The following PPARGC1A variants were observed in gnomAD, a reference collection of about 807,000 sequenced individuals.
The protein encoded by PPARGC1A is peroxisome proliferator-activated receptor gamma coactivator 1-alpha.
PPARGC1A carries 25 observed loss-of-function variants against 88.7 expected under a neutral mutation model. That is an observed-to-expected ratio of 0.28 (90% CI 0.21 to 0.39). The LOEUF is 0.39. Among genes scored for constraint, PPARGC1A ranks in the 10% least tolerant of loss-of-function variants. The pLI is 1.00. For missense variants in PPARGC1A, 880 were observed against 968.7 expected (o/e 0.91, Z 1.22); for synonymous variants, 363 against 355.6 (o/e 1.02, Z -0.24).
the PPARGC1A span, among the ~76,000 whole-genome samples, chr4:24,286,982 A>C: frequency 5.3e-5 from 8 of 152,144 alleles, no homozygotes. Flanking sequence ...GAGTGATAAA[A>C]AGAACCCCAG....
chr4:24,246,701 T>A, the PPARGC1A span, among the ~76,000 whole-genome samples: 1 of 152,206 alleles, frequency 6.6e-6, no homozygotes, highest in African/African-American at 2.4e-5. Context: ...TCTGTGAGAT[T>A]GTAACACTAG....
At chr4:24,398,770 G>C in the PPARGC1A span, among the ~76,000 whole-genome samples, 39,926 of 152,054 alleles carry the variant, frequency 0.26, 5,623 homozygotes, top group African/African-American at 0.32. Context: ...ATTTCTCCAG[G>C]GGTTAATGTG....
chr4:23,832,624 T>C (rs186720206), intron 2 of PPARGC1A, among the ~76,000 whole-genome samples: 2,883 of 150,860 alleles, frequency 0.019, 91 homozygotes, highest in African/African-American at 0.066. Context: ...TTTTTTTTTT[T>C]TTTGAGACAG....
intron 2 of PPARGC1A, among the ~76,000 whole-genome samples, chr4:23,872,440 T>A (rs531091730): frequency 6.6e-6 from 1 of 152,270 alleles, no homozygotes; most frequent in South Asian, 2.1e-4. Flanking sequence ...CTGCCCTGCA[T>A]TTGTTGGGGC....
At chr4:24,202,100 C>T in the PPARGC1A span, among the ~76,000 whole-genome samples, 2 of 152,048 alleles carry the variant, frequency 1.3e-5, no homozygotes, top group Non-Finnish European at 2.9e-5. Flanking sequence ...CAGGGTTTCA[C>T]CATGTTGGCC....
chr4:24,190,111 G>A, the PPARGC1A span, among the ~76,000 whole-genome samples: 1 of 152,152 alleles, frequency 6.6e-6, no homozygotes, highest in African/African-American at 2.4e-5. Flanking sequence ...TGACCCTTTG[G>A]TCAGTAATCG....
chr4:24,204,109 A>G, the PPARGC1A span, among the ~76,000 whole-genome samples: 1 of 152,162 alleles, frequency 6.6e-6, no homozygotes, highest in Non-Finnish European at 1.5e-5. Flanking sequence ...AACTTGCACA[A>G]TCAGCCAGCT....
At chr4:24,065,030 G>C in the PPARGC1A span, among the ~76,000 whole-genome samples, 1 of 152,288 alleles carries the variant, frequency 6.6e-6, no homozygotes, top group South Asian at 2.1e-4. Flanking sequence ...ACCTTGCAAC[G>C]AGTTTAGGAG....
At chr4:24,464,877 C>T in the PPARGC1A span, among the ~76,000 whole-genome samples, 5 of 152,332 alleles carry the variant, frequency 3.3e-5, no homozygotes. Context: ...CCAGCGTAAC[C>T]TCTTCTGGTC....
chr4:24,247,696 G>A, the PPARGC1A span, among the ~76,000 whole-genome samples: 1 of 152,194 alleles, frequency 6.6e-6, no homozygotes, highest in African/African-American at 2.4e-5. Context: ...TATGCAGTGT[G>A]TGGATTTGGC....
the PPARGC1A span, among the ~76,000 whole-genome samples, chr4:24,066,100 G>A: frequency 6.6e-6 from 1 of 151,870 alleles, no homozygotes; most frequent in African/African-American, 2.4e-5. Context: ...GGTGCCTTCA[G>A]TCTCCTCGGT....
the PPARGC1A span, among the ~76,000 whole-genome samples, chr4:24,191,521 G>A: frequency 1.3e-5 from 2 of 152,136 alleles, no homozygotes; most frequent in African/African-American, 4.8e-5. Flanking sequence ...GTGATTTTCA[G>A]CTGCTTGGAT....
In PPARGC1A at chr4:23,802,288, G is replaced by T; in HGVS notation, c.2077C>A (p.Leu693Met). The T allele has an allele frequency of 6.2e-7, 1 of 1,613,684 alleles. No homozygotes were observed. Among genetic ancestry groups the T allele is most frequent in the Non-Finnish European group, 8.5e-7 (1 of 1,179,930 alleles). ...KIRPDTTRTE[L>M]RDRFEVFGEI... ...CCAAAAACTTCAAAACGGTCCCTCA[G>T]TTCTGTCCGTGTTGTGTCAGGTCTG... Residue 693 changes from leucine (L) to methionine (M), a missense_variant, in exon 11 of 13, where the codon CTG becomes ATG. By Grantham distance (15) the Leu-to-Met change is conservative. Coordinates refer to ENST00000264867, the MANE Select transcript of PPARGC1A (RefSeq NM_013261.5).
the PPARGC1A span, among the ~76,000 whole-genome samples, chr4:24,196,673 A>T: frequency 6.6e-6 from 1 of 152,188 alleles, no homozygotes; most frequent in African/African-American, 2.4e-5. Flanking sequence ...TCCTAAGTTT[A>T]AATAATTCTT....
the PPARGC1A span, among the ~76,000 whole-genome samples, chr4:24,062,296 G>A: frequency 5.3e-5 from 8 of 152,202 alleles, no homozygotes; most frequent in African/African-American, 7.2e-5. Flanking sequence ...GCCTCCTAAC[G>A]TTTCATAGGA....
At chr4:24,378,716 T>C in the PPARGC1A span, among the ~76,000 whole-genome samples, 2 of 152,168 alleles carry the variant, frequency 1.3e-5, no homozygotes, top group Non-Finnish European at 1.5e-5. Context: ...GATTTTGCCC[T>C]TACATAATAG....
At chr4:23,801,264 CAA>C (rs1718668515) in intron 12 of PPARGC1A, among the ~76,000 whole-genome samples, 1 of 151,742 alleles carries the variant, frequency 6.6e-6, no homozygotes, top group Non-Finnish European at 1.5e-5. Context: ...CATACACACA[CAA>C]AGACACATGA....
chr4:24,419,957 A>G, the PPARGC1A span, among the ~76,000 whole-genome samples: 2 of 152,340 alleles, frequency 1.3e-5, no homozygotes, highest in Non-Finnish European at 2.9e-5. Context: ...AATTATATAC[A>G]TTAAATTATT....
At chr4:24,297,198 T>C in the PPARGC1A span, among the ~76,000 whole-genome samples, 1 of 152,142 alleles carries the variant, frequency 6.6e-6, no homozygotes, top group Admixed American at 6.5e-5. Context: ...ACCTACTATA[T>C]ACAGGCATGA....
Sources: allele counts gnomAD v4.1 joint callset (sites outside exome capture counted in the v4.1 genomes callset), GRCh38; gene constraint gnomAD v4.1.1; transcripts MANE v1.5; gene names NCBI Gene and HGNC (gene_info 2026-07-23, HGNC 2026-07-21).